AFF1: variants seen among roughly 807,000 people sequenced by gnomAD.
AFF1 encodes AF4/FMR2 family member 1.
AFF1 carries 48 observed loss-of-function variants against 121.7 expected under a neutral mutation model. That is an observed-to-expected ratio of 0.39 (90% CI 0.31 to 0.50). AFF1 has a LOEUF of 0.50. AFF1 is among the 20% of genes least tolerant of loss of function. The probability of loss-of-function intolerance (pLI) is 0.76; values close to 1 mark genes in which losing one functional copy is unlikely to be tolerated. For missense variants in AFF1, 1,523 were observed against 1,511.7 expected, an observed-to-expected ratio of 1.01 and a Z score of -0.12; for synonymous variants, 613 against 563.0, an observed-to-expected ratio of 1.09 and a Z score of -1.26.
intron 2 of AFF1, among the ~76,000 whole-genome samples, chr4:87,034,807 A>G (rs151054768): frequency 4.8e-5 from 5 of 103,246 alleles, no homozygotes; most frequent in Non-Finnish European, 1.1e-4. Context: ...TTAGGTATCA[A>G]TGAGTCACAT....
At chr4:87,007,613 T>G (rs1244211419) in intron 2 of AFF1, among the ~76,000 whole-genome samples, 1 of 152,158 alleles carries the variant, frequency 6.6e-6, no homozygotes, top group Non-Finnish European at 1.5e-5. Context: ...TGCTGGACAA[T>G]TTCTGCACAG....
intron 8 of AFF1, among the ~76,000 whole-genome samples, chr4:87,095,385 T>A (rs1359862361): frequency 6.6e-6 from 1 of 152,168 alleles, no homozygotes; most frequent in Admixed American, 6.5e-5. Flanking sequence ...TCCCAAAGTG[T>A]TGGGATTACA....
chr4:87,088,674 C>T (rs1055572205), intron 5 of AFF1, among the ~76,000 whole-genome samples: 1 of 151,964 alleles, frequency 6.6e-6, no homozygotes, highest in African/African-American at 2.4e-5. Context: ...GTGCGATCCC[C>T]GCTCACTGCA....
At chr4:87,097,839 A>G (rs2035403) in intron 8 of AFF1, among the ~76,000 whole-genome samples, 53,466 of 152,080 alleles carry the variant, frequency 0.35, 9,761 homozygotes, top group Non-Finnish European at 0.39. Flanking sequence ...TGGTGTCCCA[A>G]ATTAATTGGC....
In AFF1 at chr4:87,140,791, A is replaced by C. The variant is rs1729653768; in HGVS notation, c.*5090A>C. On this transcript the variant is annotated 3_prime_UTR_variant, in exon 21 of 21. Coordinates refer to ENST00000395146, the MANE Select transcript of AFF1 (RefSeq NM_001166693.3). Reference sequence around the variant, plus strand: ...ACTGCAACTTGGGGCTTTGTGAATAAAATTTAGCTGCCTTGTATAGTCGTT... The same window carrying C: ...ACTGCAACTTGGGGCTTTGTGAATACAATTTAGCTGCCTTGTATAGTCGTT... The C allele has an allele frequency of 5.3e-6, 1 of 188,920 alleles. No homozygotes were observed. 11.7% of individuals were successfully genotyped at this position (188,920 alleles called of 1,614,324 possible). A position where few individuals can be genotyped will look rare whatever the true frequency, so the allele number is the denominator to read the frequency against.
intron 2 of AFF1, among the ~76,000 whole-genome samples, chr4:87,004,382 TGAG>T (rs1725935234): frequency 6.6e-6 from 1 of 152,150 alleles, no homozygotes; most frequent in Admixed American, 6.5e-5. Flanking sequence ...AAATTAAAAT[TGAG>T]GTATTTAAAA....
chr4:87,067,647 G>T (rs1721496844), intron 4 of AFF1, among the ~76,000 whole-genome samples: 1 of 152,176 alleles, frequency 6.6e-6, no homozygotes, highest in Admixed American at 6.5e-5. Flanking sequence ...AGTCTTTTCT[G>T]CTGCTGTAAG....
At chr4:86,973,153 A>AGT (rs1402042447) in intron 2 of AFF1, among the ~76,000 whole-genome samples, 2 of 152,144 alleles carry the variant, frequency 1.3e-5, no homozygotes, top group African/African-American at 4.8e-5. Context: ...GCACGGAGGC[A>AGT]GTGAAGGGTG....
chr4:87,133,565 A>G (rs149462869), intron 19 of AFF1, among the ~76,000 whole-genome samples: 2 of 152,326 alleles, frequency 1.3e-5, no homozygotes, highest in Admixed American at 6.5e-5. Context: ...AACTCCTTCA[A>G]TCATTTGTCC....
intron 2 of AFF1, among the ~76,000 whole-genome samples, chr4:86,991,773 C>T (rs368426045): frequency 1.3e-5 from 2 of 149,190 alleles, no homozygotes; most frequent in Non-Finnish European, 3.0e-5. Flanking sequence ...CCTGAAACAT[C>T]TGGAAAATAA....
Position 87,058,142 on chromosome 4 carries a change from A to G in AFF1, c.1059+10548A>G, listed in dbSNP as rs140024271. Among the ~76,000 whole-genome samples, 693 of 152,290 alleles carry G rather than the reference A, an allele frequency of 4.6e-3. 7 individuals are homozygous for G. The highest frequency in any genetic ancestry group is 0.016 in the African/African-American group (664 of 41,544). ...CAGTTGGCAGGAGTCACCATTTTAC[A>G]TGCCGTGGAACTGAGTCTCTAAATT... On this transcript the variant is annotated intron_variant, in intron 4 of 20. Coordinates refer to ENST00000395146, the MANE Select transcript of AFF1 (RefSeq NM_001166693.3).
intron 2 of AFF1, among the ~76,000 whole-genome samples, chr4:86,966,954 C>T (rs964808665): frequency 6.6e-6 from 1 of 152,210 alleles, no homozygotes; most frequent in Non-Finnish European, 1.5e-5. Flanking sequence ...TCTCATCTCC[C>T]ATCACTACTG....
intron 8 of AFF1, among the ~76,000 whole-genome samples, chr4:87,095,929 A>G (rs1724789849): frequency 6.6e-6 from 1 of 152,184 alleles, no homozygotes. Context: ...CCAGGAGTTT[A>G]AGCTCCAACT....
chr4:86,978,506 G>T (rs565810656), intron 2 of AFF1, among the ~76,000 whole-genome samples: 5 of 151,982 alleles, frequency 3.3e-5, no homozygotes, highest in Admixed American at 6.6e-5. Flanking sequence ...TATTATGATA[G>T]AATCTGTCTA....
At chr4:86,938,323 T>C (rs1418486734) in intron 1 of AFF1, among the ~76,000 whole-genome samples, 1 of 151,770 alleles carries the variant, frequency 6.6e-6, no homozygotes, top group Non-Finnish European at 1.5e-5. Context: ...GATGGCGTGC[T>C]CCTGTAATTA....
At position 87,137,692 on chromosome 4, in the gene AFF1, G is replaced by T. The variant is rs1278396553; in HGVS notation, c.*1991G>T. On this transcript the variant is annotated 3_prime_UTR_variant, in exon 21 of 21. Coordinates refer to ENST00000395146, the MANE Select transcript of AFF1 (RefSeq NM_001166693.3). ...GAACAGTAATTGCCTGGTAGGTTTGGTGTGTGTGTAGCATTGTGTGTCCAT... is the reference window on the plus strand; with the variant it reads ...GAACAGTAATTGCCTGGTAGGTTTGTTGTGTGTGTAGCATTGTGTGTCCAT... The T allele has an allele frequency of 4.3e-6, 1 of 231,932 alleles. No individual in the cohort carries two copies. The highest frequency in any genetic ancestry group is 8.5e-6 in the Non-Finnish European group (1 of 117,326). 14.4% of individuals were successfully genotyped at this position (231,932 alleles called of 1,614,324 possible).
At chr4:86,981,104 C>T (rs980606396) in intron 2 of AFF1, among the ~76,000 whole-genome samples, 2 of 152,074 alleles carry the variant, frequency 1.3e-5, no homozygotes, top group African/African-American at 2.4e-5. Flanking sequence ...GCTCTGCCTG[C>T]CAGGTTCACG....
intron 7 of AFF1, among the ~76,000 whole-genome samples, chr4:87,094,675 G>C (rs1724647809): frequency 6.6e-6 from 1 of 152,210 alleles, no homozygotes; most frequent in African/African-American, 2.4e-5. Flanking sequence ...TAAGTTCCTG[G>C]CGTCATAGGT....
intron 4 of AFF1, among the ~76,000 whole-genome samples, chr4:87,051,525 A>C (rs537467323): frequency 6.6e-6 from 1 of 151,448 alleles, no homozygotes; most frequent in Non-Finnish European, 1.5e-5. Flanking sequence ...CAATGGCGCA[A>C]TCTTGGCTCA....
Sources: gnomAD v4.1 joint callset for allele counts (sites outside exome capture counted in the v4.1 genomes callset) on GRCh38, gnomAD v4.1.1 for gene constraint, MANE v1.5 for transcripts, NCBI Gene and HGNC (gene_info 2026-07-23, HGNC 2026-07-21) for gene names.